Variants in ZC3H15 observed in about 807,000 individuals in gnomAD.
ZC3H15 encodes zinc finger CCCH-type containing 15.
In ZC3H15, 15 loss-of-function variants were observed where a neutral mutation model predicts 51.2. The ratio of observed to expected loss-of-function variants is 0.29; its 90% CI spans 0.20 to 0.45. The LOEUF (loss-of-function observed/expected upper bound fraction) is 0.45. ZC3H15 is among the 20% of genes least tolerant of loss of function. The pLI is 1.00. For synonymous variants in ZC3H15, 144 were observed against 162.8 expected (o/e 0.88, Z 0.88); for missense variants, 381 against 494.7 (o/e 0.77, Z 2.18).
rs1574419397 is a variant in ZC3H15 at position 186,486,298 on chromosome 2, T to G, written c.-85T>G. The G allele has an allele frequency of 1.5e-6, 2 of 1,344,318 alleles. No homozygotes were observed. Among genetic ancestry groups the G allele is most frequent in the Non-Finnish European group, 2.0e-6 (2 of 1,025,170 alleles). The allele number at this position is 1,344,318 out of a possible 1,614,324, so 83.3% of individuals were successfully genotyped here. A position where few individuals can be genotyped will look rare whatever the true frequency, so the allele number is the denominator to read the frequency against. On this transcript the variant is annotated 5_prime_UTR_variant, in exon 1 of 10. Coordinates refer to ENST00000337859, the MANE Select transcript of ZC3H15 (RefSeq NM_018471.3). ...TGCGGTGCGGCGAGTGAGGCCCCGG[T>G]CTTCCTCCTCGTCCTGCCGCAGGGC... is the stretch of plus-strand genomic sequence containing the variant.
chr2:186,500,388 C>A lies in ZC3H15; in HGVS notation c.289+95C>A, dbSNP rs544504325. ...TGTTTATTTTCTTTAGATAATGAGA[C>A]AGTTATGTCTGAATGAAAATGTTAC... is the stretch of plus-strand genomic sequence containing the variant. On this transcript the variant is annotated intron_variant, in intron 3 of 9. Coordinates refer to ENST00000337859, the MANE Select transcript of ZC3H15 (RefSeq NM_018471.3). 49 of 1,052,942 alleles carry A rather than the reference C, an allele frequency of 4.7e-5. No individual in the cohort carries two copies. The Middle Eastern group carries it at 1.2e-3, about 26-fold the overall frequency. 65.2% of individuals were successfully genotyped at this position (1,052,942 alleles called of 1,614,324 possible). A position where few individuals can be genotyped will look rare whatever the true frequency, so the allele number is the denominator to read the frequency against.
intron 2 of ZC3H15, among the ~76,000 whole-genome samples, chr2:186,498,719 G>T (rs1685328033): frequency 6.6e-6 from 1 of 152,026 alleles, no homozygotes; most frequent in Non-Finnish European, 1.5e-5. Context: ...ATGTTTCTAG[G>T]TCTTTTTATT....
rs149242237 is a variant in ZC3H15, at chr2:186,493,680, G to A, written c.76-1553G>A. Among the ~76,000 whole-genome samples, 555 of 151,980 alleles carry A rather than the reference G, an allele frequency of 3.7e-3. 2 individuals are homozygous for A. The highest frequency in any genetic ancestry group is 0.013 in the African/African-American group (525 of 41,452). On this transcript the variant is annotated intron_variant, in intron 1 of 9. Transcript: ENST00000337859. ...TAGAAGTCTGAAATTAGTGTCAGCAGGGCCATGCTCCCTCCCTCTGAAGAC... is the reference window on the plus strand; with the variant it reads ...TAGAAGTCTGAAATTAGTGTCAGCAAGGCCATGCTCCCTCCCTCTGAAGAC...
intron 1 of ZC3H15, among the ~76,000 whole-genome samples, chr2:186,488,459 T>C (rs1685140681): frequency 6.6e-6 from 1 of 152,202 alleles, no homozygotes; most frequent in African/African-American, 2.4e-5. Flanking sequence ...TTTCACACCA[T>C]GCAGTGTTTT....
At chr2:186,503,285 C>T (rs1414313581) in intron 5 of ZC3H15, among the ~76,000 whole-genome samples, 14 of 152,192 alleles carry the variant, frequency 9.2e-5, no homozygotes, top group Admixed American at 6.5e-4. Context: ...TGAAGGGTCA[C>T]TCTCTTTGTG....
intron 8 of ZC3H15, among the ~76,000 whole-genome samples, 182 bp from the exon 9 acceptor site, chr2:186,506,531 G>C (rs1208848772): frequency 6.6e-6 from 1 of 152,172 alleles, no homozygotes; most frequent in Non-Finnish European, 1.5e-5. Flanking sequence ...AAGCCCAGGT[G>C]ATCCTCCACC....
intron 1 of ZC3H15, among the ~76,000 whole-genome samples, chr2:186,490,179 T>G (rs375515646): frequency 2.6e-5 from 4 of 152,312 alleles, no homozygotes; most frequent in South Asian, 4.1e-4. Context: ...CCGAAATGAA[T>G]ATGTCAAACA....
At chr2:186,491,623 C>T (rs1685200883) in intron 1 of ZC3H15, among the ~76,000 whole-genome samples, 1 of 152,126 alleles carries the variant, frequency 6.6e-6, no homozygotes, top group Non-Finnish European at 1.5e-5. Context: ...TTACCCAGCT[C>T]TGTTTGGGAT....
chr2:186,500,909 G>A (rs6754179), intron 3 of ZC3H15, among the ~76,000 whole-genome samples: 47,890 of 151,926 alleles, frequency 0.32, 8,091 homozygotes, highest in East Asian at 0.42. Context: ...TCCTGACCTC[G>A]TTATCTGTCT....
chr2:186,498,123 A>G, intron 2 of ZC3H15, among the ~76,000 whole-genome samples: 1 of 152,298 alleles, frequency 6.6e-6, no homozygotes, highest in Non-Finnish European at 1.5e-5. Context: ...TGTGCTACCA[A>G]TATGTCTGAG....
intron 2 of ZC3H15, 83 bp downstream of exon 2, chr2:186,495,417 A>T (rs1685266639): frequency 3.4e-6 from 3 of 877,006 alleles, no homozygotes; most frequent in Admixed American, 4.2e-5. Context: ...TGGTATTATT[A>T]TATAATTGTA....
chr2:186,498,108 T>C (rs147098413), intron 2 of ZC3H15, among the ~76,000 whole-genome samples: 1 of 152,284 alleles, frequency 6.6e-6, no homozygotes, highest in African/African-American at 2.4e-5. Context: ...CCCATCTCTG[T>C]CCATTGTGCT....
chr2:186,508,358 T>C (rs1307545423), intron 9 of ZC3H15, among the ~76,000 whole-genome samples, 185 bp from the exon 10 acceptor site: 1 of 152,166 alleles, frequency 6.6e-6, no homozygotes, highest in East Asian at 1.9e-4. Context: ...TTATAGTAGG[T>C]ATAGATAATT....
intron 1 of ZC3H15, among the ~76,000 whole-genome samples, chr2:186,489,884 T>C (rs1008606343): frequency 1.3e-5 from 2 of 152,262 alleles, no homozygotes; most frequent in Non-Finnish European, 2.9e-5. Context: ...GCAATTCTCA[T>C]CTGCAAAATG....
intron 2 of ZC3H15, among the ~76,000 whole-genome samples, chr2:186,498,537 C>A (rs1352791062): frequency 6.6e-6 from 1 of 152,086 alleles, no homozygotes. Flanking sequence ...AAAAATTAAG[C>A]GACTTAAATT....
rs551985253 is a variant in ZC3H15 at position 186,503,939 on chromosome 2, T to C, written c.535-93T>C. 3.2e-5 allele frequency: 32 copies of C among 1,001,574 alleles called. No homozygotes were observed. The East Asian group carries it at 8.5e-4, about 27-fold the overall frequency. The allele number at this position is 1,001,574 out of a possible 1,614,324, so 62.0% of individuals were successfully genotyped here. Reference sequence around the variant, plus strand: ...TAGAATGTACTTGTGTAATATAACGTACTTGTGTGTATACTTGTTCCATAT... The same window carrying C: ...TAGAATGTACTTGTGTAATATAACGCACTTGTGTGTATACTTGTTCCATAT... On this transcript the variant is annotated intron_variant, in intron 5 of 9. Coordinates refer to ENST00000337859, the MANE Select transcript of ZC3H15 (RefSeq NM_018471.3).
chr2:186,504,738 A>C (rs1231459360), intron 6 of ZC3H15, among the ~76,000 whole-genome samples: 1 of 152,212 alleles, frequency 6.6e-6, no homozygotes, highest in African/African-American at 2.4e-5. Context: ...ATTCTATGAA[A>C]ATTTTGAGAT....
intron 1 of ZC3H15, chr2:186,489,062 A>T: frequency 6.5e-6 from 1 of 154,526 alleles, no homozygotes; most frequent in Middle Eastern, 2.4e-3. Context: ...TTTCTCAGTG[A>T]TCATAGTTTG....
In ZC3H15 at chr2:186,500,302, A is replaced by G; in HGVS notation, c.289+9A>G. The G allele has an allele frequency of 6.3e-7, 1 of 1,584,924 alleles. No homozygotes were observed. Among genetic ancestry groups the G allele is most frequent in the Non-Finnish European group, 8.6e-7 (1 of 1,166,070 alleles). On this transcript the variant is annotated intron_variant, in intron 3 of 9. Transcript: ENST00000337859. ...TCAAAAAATAAGTAAAGGTAAACTT[A>G]AAATTTCAGAAGTGTGATTTTTTAT... is the stretch of plus-strand genomic sequence containing the variant.
Sources: allele counts gnomAD v4.1 joint callset (sites outside exome capture counted in the v4.1 genomes callset), GRCh38; gene constraint gnomAD v4.1.1; transcripts MANE v1.5; gene names NCBI Gene and HGNC (gene_info 2026-07-23, HGNC 2026-07-21).